ESRRB: variants seen among roughly 807,000 people sequenced by gnomAD.
The protein encoded by ESRRB is steroid hormone receptor ERR2.
In ESRRB, 16 loss-of-function variants were observed where a neutral mutation model predicts 46.0. The ratio of observed to expected loss-of-function variants is 0.35; its 90% CI spans 0.24 to 0.53. The LOEUF (loss-of-function observed/expected upper bound fraction) is 0.53, where lower values mean the gene tolerates loss of function less well. Ranked by LOEUF, ESRRB falls within the 20% of genes least tolerant of loss-of-function variation. The pLI, the probability that ESRRB is intolerant of heterozygous loss-of-function variation, is 0.93. For synonymous variants in ESRRB, 246 were observed against 259.6 expected (o/e 0.95, Z 0.50); for missense variants, 488 against 607.4 (o/e 0.80, Z 2.07).
intron 1 of ESRRB, among the ~76,000 whole-genome samples, chr14:76,340,119 C>T (rs533664702): frequency 5.3e-5 from 8 of 152,158 alleles, no homozygotes; most frequent in East Asian, 1.9e-4. Flanking sequence ...CCCAGGAGGC[C>T]GGAAAAGGAC....
intron 1 of ESRRB, among the ~76,000 whole-genome samples, chr14:76,337,148 G>T (rs1172293444): frequency 1.3e-5 from 2 of 152,156 alleles, no homozygotes; most frequent in African/African-American, 4.8e-5. Context: ...AGCATAGAAG[G>T]AGATGCAGAG....
chr14:76,389,240 G>A (rs1885369814), intron 1 of ESRRB, among the ~76,000 whole-genome samples: 1 of 152,194 alleles, frequency 6.6e-6, no homozygotes, highest in Non-Finnish European at 1.5e-5. Flanking sequence ...TCTGTGTGGA[G>A]GCATCCCTGA....
At chr14:76,323,621 T>C (rs1291452574) in intron 1 of ESRRB, among the ~76,000 whole-genome samples, 1 of 152,180 alleles carries the variant, frequency 6.6e-6, no homozygotes, top group Non-Finnish European at 1.5e-5. Context: ...GGTCTTTCTT[T>C]TCATAAGGAG....
chr14:76,447,714 G>A (rs539809561), intron 2 of ESRRB, among the ~76,000 whole-genome samples: 13 of 151,882 alleles, frequency 8.6e-5, no homozygotes, highest in African/African-American at 3.1e-4. Context: ...CTGTCCCAGC[G>A]CCCACCCCCC....
chr14:76,493,933 G>A (rs1890323931), intron 6 of ESRRB, among the ~76,000 whole-genome samples: 1 of 152,216 alleles, frequency 6.6e-6, no homozygotes, highest in Non-Finnish European at 1.5e-5. Context: ...GACCCACATG[G>A]GTACAAAAGT....
At chr14:76,336,117 G>C (rs1236836247) in intron 1 of ESRRB, among the ~76,000 whole-genome samples, 1 of 152,166 alleles carries the variant, frequency 6.6e-6, no homozygotes, top group Non-Finnish European at 1.5e-5. Flanking sequence ...TGGAAAGCAG[G>C]TCAGAAAGAT....
chr14:76,463,127 G>T lies in ESRRB; in HGVS notation c.577+466G>T, dbSNP rs139655725. 3.6e-4 allele frequency: 80 copies of T among 222,374 alleles called. No individual in the cohort carries two copies. In the East Asian group the frequency reaches 8.2e-3, roughly 23 times the overall value. 13.8% of individuals were successfully genotyped at this position (222,374 alleles called of 1,614,324 possible). On this transcript the variant is annotated intron_variant, in intron 3 of 6. Coordinates refer to ENST00000644823, the MANE Select transcript of ESRRB (RefSeq NM_001379180.1). Reference sequence around the variant, plus strand: ...GTGGACAGGACATGGCTCTTGCCTTGGGAATGCTGCTCCCTTCCTTGTTCC... The same window carrying T: ...GTGGACAGGACATGGCTCTTGCCTTTGGAATGCTGCTCCCTTCCTTGTTCC...
intron 2 of ESRRB, among the ~76,000 whole-genome samples, chr14:76,446,356 T>TC (rs1321013672): frequency 6.8e-6 from 1 of 147,572 alleles, no homozygotes; most frequent in Non-Finnish European, 1.5e-5. Context: ...AGGGAGGTTT[T>TC]TTTCTGTTGT....
intron 3 of ESRRB, among the ~76,000 whole-genome samples, chr14:76,476,564 A>T (rs750692693): frequency 2.6e-5 from 4 of 152,218 alleles, no homozygotes; most frequent in Non-Finnish European, 5.9e-5. Context: ...CCTAATTTTA[A>T]AAGTAATTGC....
At chr14:76,465,309 A>G (rs1331712608) in intron 3 of ESRRB, among the ~76,000 whole-genome samples, 1 of 152,004 alleles carries the variant, frequency 6.6e-6, no homozygotes, top group Non-Finnish European at 1.5e-5. Context: ...GGAACCTCCC[A>G]CTCAATTCCT....
chr14:76,358,339 GAAAGAAAGAAAGAAAGAAAGAAAGAAAGA>G (rs1566859632), intron 1 of ESRRB, among the ~76,000 whole-genome samples: 1 of 16,486 alleles, frequency 6.1e-5, no homozygotes, highest in Non-Finnish European at 1.0e-4. Context: ...AAGAAAGAAA[GAAAGAAAGAAAGAAAGAAAGAAAGAAAGA>G]AAGAAAGAAA....
intron 1 of ESRRB, among the ~76,000 whole-genome samples, chr14:76,349,733 C>T (rs991784634): frequency 6.6e-6 from 1 of 152,088 alleles, no homozygotes; most frequent in African/African-American, 2.4e-5. Flanking sequence ...CTGGTTTTTC[C>T]CTGCTGGGTC....
At chr14:76,351,157 A>G (rs937859647) in intron 1 of ESRRB, among the ~76,000 whole-genome samples, 1 of 152,208 alleles carries the variant, frequency 6.6e-6, no homozygotes, top group African/African-American at 2.4e-5. Context: ...TGGATGAGGG[A>G]GCACACCATC....
At chr14:76,424,416 C>A (rs546154791) in intron 1 of ESRRB, among the ~76,000 whole-genome samples, 1 of 152,274 alleles carries the variant, frequency 6.6e-6, no homozygotes, top group East Asian at 1.9e-4. Flanking sequence ...TTTCTTGGAC[C>A]CTGATCCTGT....
intron 3 of ESRRB, among the ~76,000 whole-genome samples, chr14:76,478,072 G>T (rs1889651234): frequency 6.6e-6 from 1 of 152,138 alleles, no homozygotes; most frequent in Non-Finnish European, 1.5e-5. Context: ...CAAAAACTTG[G>T]ATGCAATGCT....
upstream of ESRRB, chr14:76,371,673 G>A (rs1884628245): frequency 6.6e-6 from 1 of 152,212 alleles, no homozygotes; most frequent in Non-Finnish European, 1.5e-5. Flanking sequence ...GATGGGTGAG[G>A]GACAGGGATG....
intron 1 of ESRRB, among the ~76,000 whole-genome samples, chr14:76,332,233 G>T (rs1397727364): frequency 6.6e-6 from 1 of 151,240 alleles, no homozygotes; most frequent in African/African-American, 2.4e-5. Context: ...GTTAGAATCT[G>T]CGTGGGCTGG....
chr14:76,426,145 G>A (rs1410148179), intron 1 of ESRRB, among the ~76,000 whole-genome samples: 1 of 152,208 alleles, frequency 6.6e-6, no homozygotes, highest in East Asian at 1.9e-4. Flanking sequence ...CTTTCACAAG[G>A]TGTTCAGGGG....
At chr14:76,478,687 C>G (rs963397768) in intron 3 of ESRRB, among the ~76,000 whole-genome samples, 17 of 151,992 alleles carry the variant, frequency 1.1e-4, no homozygotes, top group Non-Finnish European at 1.5e-5. Context: ...GGTCCTGTCA[C>G]CATTCCAAGG....
Sources: gnomAD v4.1 joint callset for allele counts (sites outside exome capture counted in the v4.1 genomes callset) on GRCh38, gnomAD v4.1.1 for gene constraint, MANE v1.5 for transcripts, NCBI Gene and HGNC (gene_info 2026-07-23, HGNC 2026-07-21) for gene names.